IL1RAPL1: variants seen among roughly 807,000 people sequenced by gnomAD.
IL1RAPL1 encodes interleukin-1 receptor accessory protein-like 1.
A neutral mutation model predicts 48.4 loss-of-function variants in IL1RAPL1; 3 were observed. The observed-to-expected ratio is 0.06, with a 90% CI of 0.03 to 0.16. IL1RAPL1 has a LOEUF of 0.16. Among genes scored for constraint, IL1RAPL1 ranks in the 10% least tolerant of loss-of-function variants. The probability of loss-of-function intolerance (pLI) is 1.00; values close to 1 mark genes in which losing one functional copy is unlikely to be tolerated. For missense variants in IL1RAPL1, 349 were observed against 530.6 expected, an observed-to-expected ratio of 0.66 and a Z score of 3.36; for synonymous variants, 185 against 187.7, an observed-to-expected ratio of 0.99 and a Z score of 0.12.
chrX:29,276,566 AAC>A (rs1175182919), intron 2 of IL1RAPL1, among the ~76,000 whole-genome samples: 2 of 87,311 alleles, frequency 2.3e-5, no homozygotes, highest in Admixed American at 2.3e-4. Context: ...CATTTAAGTG[AAC>A]AGTTATTTAG....
intron 6 of IL1RAPL1, among the ~76,000 whole-genome samples, chrX:29,837,272 A>AAAAAAAT (rs1447926305): frequency 1.4e-5 from 1 of 72,128 alleles, no homozygotes; most frequent in African/African-American, 5.9e-5. Flanking sequence ...AAAAAAAAAA[A>AAAAAAAT]ATATATATAT....
chrX:29,517,071 C>A (rs111640480), intron 5 of IL1RAPL1, among the ~76,000 whole-genome samples: 6 of 111,092 alleles, frequency 5.4e-5, no homozygotes, highest in African/African-American at 1.6e-4. Flanking sequence ...TCTTTTTACT[C>A]TCTTTATGGT....
intron 6 of IL1RAPL1, among the ~76,000 whole-genome samples, chrX:29,861,966 G>C (rs1032057101): frequency 9.0e-6 from 1 of 110,780 alleles, no homozygotes; most frequent in South Asian, 3.8e-4. Flanking sequence ...ACATTGGGAG[G>C]CCAAGATGGG....
At chrX:28,615,043 C>A (rs1338975546) in intron 1 of IL1RAPL1, among the ~76,000 whole-genome samples, 1 of 109,298 alleles carries the variant, frequency 9.1e-6, no homozygotes, top group Non-Finnish European at 1.9e-5. Flanking sequence ...TGCCCGCCAC[C>A]ACGCCCGGCT....
intron 8 of IL1RAPL1, among the ~76,000 whole-genome samples, chrX:29,929,268 A>T (rs1390502430): frequency 8.9e-6 from 1 of 111,796 alleles, no homozygotes; most frequent in Non-Finnish European, 1.9e-5. Context: ...TGATAAAAAA[A>T]AATGGACAGT....
At chrX:29,357,091 T>G in intron 3 of IL1RAPL1, among the ~76,000 whole-genome samples, 1 of 112,439 alleles carries the variant, frequency 8.9e-6, no homozygotes, top group Middle Eastern at 4.6e-3. Flanking sequence ...GTATGTATTG[T>G]AAAATAATAA....
intron 1 of IL1RAPL1, among the ~76,000 whole-genome samples, chrX:28,637,131 G>A (rs914301717): frequency 9.0e-6 from 1 of 111,020 alleles, no homozygotes; most frequent in African/African-American, 3.3e-5. Context: ...TTGAAATTGG[G>A]TGAGATAAAA....
At chrX:29,491,920 A>G (rs1935163075) in intron 5 of IL1RAPL1, among the ~76,000 whole-genome samples, 1 of 111,851 alleles carries the variant, frequency 8.9e-6, no homozygotes, top group Non-Finnish European at 1.9e-5. Context: ...TAAAGGTGTC[A>G]CTATAAAATC....
intron 3 of IL1RAPL1, among the ~76,000 whole-genome samples, chrX:29,391,603 A>G (rs888263297): frequency 1.8e-5 from 2 of 112,010 alleles, no homozygotes; most frequent in African/African-American, 6.5e-5. Flanking sequence ...AACTTGGGTC[A>G]TTAAAGTCCT....
intron 2 of IL1RAPL1, among the ~76,000 whole-genome samples, chrX:28,850,201 T>C (rs767766145): frequency 8.9e-6 from 1 of 112,115 alleles, no homozygotes; most frequent in Admixed American, 9.5e-5. Context: ...TATTAAAATA[T>C]TGTTAAAATT....
intron 5 of IL1RAPL1, among the ~76,000 whole-genome samples, chrX:29,640,535 A>G (rs1373946723): frequency 8.9e-6 from 1 of 111,881 alleles, no homozygotes; most frequent in Non-Finnish European, 1.9e-5. Flanking sequence ...TGATCTGTCC[A>G]CCCATATATG....
intron 5 of IL1RAPL1, among the ~76,000 whole-genome samples, chrX:29,405,523 G>T (rs373370933): frequency 2.1e-5 from 2 of 95,691 alleles, no homozygotes; most frequent in African/African-American, 1.0e-4. Flanking sequence ...CCCGCCACTA[G>T]GCCCAGCTAA....
chrX:29,253,370 T>G (rs950936081), intron 2 of IL1RAPL1, among the ~76,000 whole-genome samples: 7 of 110,284 alleles, frequency 6.3e-5, no homozygotes, highest in African/African-American at 2.3e-4. Context: ...GTAGGAAGAG[T>G]TAAGTCTTAG....
intron 2 of IL1RAPL1, among the ~76,000 whole-genome samples, chrX:28,845,086 C>G (rs1343434981): frequency 9.0e-6 from 1 of 111,554 alleles, no homozygotes; most frequent in Non-Finnish European, 1.9e-5. Context: ...ATTCCAAAGA[C>G]AACCAGAGTG....
intron 2 of IL1RAPL1, among the ~76,000 whole-genome samples, chrX:28,835,646 G>A (rs948648734): frequency 5.4e-5 from 6 of 111,558 alleles, no homozygotes; most frequent in Non-Finnish European, 1.1e-4. Context: ...TCATTTAAGT[G>A]TGGTTATTTG....
intron 2 of IL1RAPL1, among the ~76,000 whole-genome samples, chrX:28,821,616 C>T (rs1473597622): frequency 9.0e-6 from 1 of 110,847 alleles, no homozygotes; most frequent in African/African-American, 3.3e-5. Context: ...AACTTTTTTC[C>T]TTTGCAAGTA....
chrX:29,136,159 C>CA (rs1929123042), intron 2 of IL1RAPL1, among the ~76,000 whole-genome samples: 1 of 84,585 alleles, frequency 1.2e-5, no homozygotes, highest in African/African-American at 4.5e-5. Context: ...CAGAGTTTTG[C>CA]TCTTGTTGCC....
At chrX:29,582,377 A>ATT (rs1922999604) in intron 5 of IL1RAPL1, among the ~76,000 whole-genome samples, 7 of 101,989 alleles carry the variant, frequency 6.9e-5, no homozygotes, top group African/African-American at 2.2e-4. Flanking sequence ...TTATTTTTTT[A>ATT]TTTTTATTTT....
At chrX:28,728,924 A>G (rs1448454595) in intron 1 of IL1RAPL1, among the ~76,000 whole-genome samples, 1 of 111,437 alleles carries the variant, frequency 9.0e-6, no homozygotes, top group African/African-American at 3.3e-5. Context: ...TTGCTGCTCT[A>G]AAAGTCTTTT....
Sources: allele counts gnomAD v4.1 joint callset (sites outside exome capture counted in the v4.1 genomes callset), GRCh38; gene constraint gnomAD v4.1.1; transcripts MANE v1.5; gene names NCBI Gene and HGNC (gene_info 2026-07-23, HGNC 2026-07-21).